Variants in EPHA6 observed in about 807,000 individuals in gnomAD.
EPHA6 encodes EPH receptor A6, also known as ephrin type-A receptor 6.
EPHA6 carries 50 observed loss-of-function variants against 112.0 expected under a neutral mutation model. That is an observed-to-expected ratio of 0.45 (90% CI 0.36 to 0.56). The LOEUF is 0.56. EPHA6 is among the 20% of genes least tolerant of loss of function. EPHA6 has a pLI of 0.00. For missense variants in EPHA6, 1,280 were observed against 1,417.4 expected, an observed-to-expected ratio of 0.90 and a Z score of 1.56; for synonymous variants, 529 against 490.7, an observed-to-expected ratio of 1.08 and a Z score of -1.03.
At chr3:97,359,168 G>A (rs541566552) in intron 5 of EPHA6, among the ~76,000 whole-genome samples, 1 of 151,132 alleles carries the variant, frequency 6.6e-6, no homozygotes, top group Admixed American at 6.6e-5. Flanking sequence ...CTCTTCTTCT[G>A]AAACTTCTAC....
chr3:97,720,120 G>A, intron 14 of EPHA6, 141 bp from the exon 15 acceptor site: 1 of 620,722 alleles, frequency 1.6e-6, no homozygotes, highest in East Asian at 3.5e-5. Context: ...CATTATTCTG[G>A]CTTTCTTTTG....
chr3:97,100,091 C>G (rs2047358477), intron 3 of EPHA6, among the ~76,000 whole-genome samples: 1 of 151,834 alleles, frequency 6.6e-6, no homozygotes, highest in Admixed American at 6.6e-5. Flanking sequence ...GCCAAAGCAA[C>G]TCTACTATGA....
intron 5 of EPHA6, among the ~76,000 whole-genome samples, chr3:97,267,993 G>T (rs1202963794): frequency 6.6e-6 from 1 of 152,134 alleles, no homozygotes; most frequent in Non-Finnish European, 1.5e-5. Flanking sequence ...CAAGAACAAA[G>T]GTAGGGTCTT....
At chr3:96,855,083 C>T (rs2035616405) in intron 1 of EPHA6, among the ~76,000 whole-genome samples, 1 of 152,082 alleles carries the variant, frequency 6.6e-6, no homozygotes, top group Non-Finnish European at 1.5e-5. Context: ...CCTCGGCTGC[C>T]TTCCTCTCTC....
At chr3:96,879,411 CAT>C (rs912813220) in intron 2 of EPHA6, among the ~76,000 whole-genome samples, 6 of 151,972 alleles carry the variant, frequency 3.9e-5, no homozygotes, top group Admixed American at 2.0e-4. Flanking sequence ...AATTTGATCT[CAT>C]AGAATTAGTG....
intron 3 of EPHA6, among the ~76,000 whole-genome samples, chr3:97,192,673 A>C (rs562155772): frequency 6.6e-6 from 1 of 152,076 alleles, no homozygotes; most frequent in South Asian, 2.1e-4. Flanking sequence ...GTCTGTACTT[A>C]TGGGGTATTA....
chr3:97,130,624 T>C (rs1052833541), intron 3 of EPHA6, among the ~76,000 whole-genome samples: 1 of 152,172 alleles, frequency 6.6e-6, no homozygotes, highest in Admixed American at 6.5e-5. Flanking sequence ...CCTAATTTGT[T>C]TCCTAACCTA....
intron 9 of EPHA6, among the ~76,000 whole-genome samples, chr3:97,482,564 A>G (rs2091583256): frequency 6.6e-6 from 1 of 152,240 alleles, no homozygotes; most frequent in Non-Finnish European, 1.5e-5. Flanking sequence ...CATATGCAGC[A>G]CTAAGAAGAC....
chr3:97,530,588 GAA>G (rs898393373), intron 10 of EPHA6, among the ~76,000 whole-genome samples: 1 of 149,800 alleles, frequency 6.7e-6, no homozygotes, highest in African/African-American at 2.4e-5. Flanking sequence ...CAGGTTGAGA[GAA>G]TCACTAAGAA....
chr3:97,377,850 T>C (rs2085459802), intron 5 of EPHA6, among the ~76,000 whole-genome samples: 1 of 151,798 alleles, frequency 6.6e-6, no homozygotes, highest in African/African-American at 2.4e-5. Flanking sequence ...GTGACTTGGG[T>C]GCTGTTAAAA....
intron 3 of EPHA6, among the ~76,000 whole-genome samples, chr3:97,000,292 C>CAT (rs1026183123): frequency 3.4e-5 from 5 of 147,902 alleles, no homozygotes; most frequent in South Asian, 2.2e-4. Context: ...CACACACACA[C>CAT]ATATATATAG....
intron 11 of EPHA6, among the ~76,000 whole-genome samples, chr3:97,535,559 G>A (rs2092752396): frequency 6.6e-6 from 1 of 152,100 alleles, no homozygotes; most frequent in Admixed American, 6.6e-5. Flanking sequence ...ACTGTTAGAA[G>A]AAAGCCAATA....
chr3:97,299,616 T>C lies in EPHA6; in HGVS notation c.1606+55329T>C, dbSNP rs992388377. Among the ~76,000 whole-genome samples the C allele has an allele frequency of 2.7e-4, 41 of 152,170 alleles. 1 individual carries two copies. Among genetic ancestry groups the C allele is most frequent in the Middle Eastern group, 6.3e-3 (2 of 316 alleles). ...AAGAACACTGAATGTCCATCAGCAT[T>C]AGAGTCATTATAAAGAGAAGATGAC... On this transcript the variant is annotated intron_variant, in intron 5 of 17. Coordinates refer to ENST00000389672, the MANE Select transcript of EPHA6 (RefSeq NM_001080448.3).
chr3:97,664,580 T>C (rs1430426109), intron 14 of EPHA6, among the ~76,000 whole-genome samples: 1 of 152,184 alleles, frequency 6.6e-6, no homozygotes, highest in African/African-American at 2.4e-5. Flanking sequence ...CCCCATTGTC[T>C]CAGCCCAAAA....
At chr3:97,333,647 T>C (rs903403153) in intron 5 of EPHA6, among the ~76,000 whole-genome samples, 2 of 151,698 alleles carry the variant, frequency 1.3e-5, no homozygotes, top group African/African-American at 4.8e-5. Flanking sequence ...TGAATATTTT[T>C]AATATTTTCC....
At chr3:97,101,383 T>C (rs2108260889) in intron 3 of EPHA6, among the ~76,000 whole-genome samples, 1 of 152,160 alleles carries the variant, frequency 6.6e-6, no homozygotes, top group Non-Finnish European at 1.5e-5. Context: ...GCCCGCTCTC[T>C]CCAATTTGTT....
intron 9 of EPHA6, among the ~76,000 whole-genome samples, chr3:97,481,689 C>A (rs889908861): frequency 2.0e-5 from 3 of 151,720 alleles, no homozygotes; most frequent in Non-Finnish European, 4.4e-5. Context: ...CGCCCCGCAC[C>A]GCCCCGGCCC....
chr3:97,034,797 A>G (rs566300453), intron 3 of EPHA6, among the ~76,000 whole-genome samples: 1 of 152,058 alleles, frequency 6.6e-6, no homozygotes, highest in East Asian at 1.9e-4. Context: ...TGAATTGTTC[A>G]TGGAACTACG....
chr3:97,180,167 C>T (rs1292800903), intron 3 of EPHA6, among the ~76,000 whole-genome samples: 1 of 152,020 alleles, frequency 6.6e-6, no homozygotes, highest in Admixed American at 6.6e-5. Flanking sequence ...CGTTTGTAGC[C>T]ACCAGCAGTT....
Sources: gnomAD v4.1 joint callset for allele counts (sites outside exome capture counted in the v4.1 genomes callset) on GRCh38, gnomAD v4.1.1 for gene constraint, MANE v1.5 for transcripts, NCBI Gene and HGNC (gene_info 2026-07-23, HGNC 2026-07-21) for gene names.